COP1: variants seen among roughly 807,000 people sequenced by gnomAD.
COP1 encodes E3 ubiquitin-protein ligase COP1.
COP1 carries 24 observed loss-of-function variants against 101.3 expected under a neutral mutation model. The observed-to-expected ratio is 0.24, with a 90% CI of 0.17 to 0.33. The LOEUF (loss-of-function observed/expected upper bound fraction) is 0.33, where lower values mean the gene tolerates loss of function less well. Ranked by LOEUF, COP1 falls within the 10% of genes least tolerant of loss-of-function variation. The pLI is 1.00. For synonymous variants in COP1, 347 were observed against 341.9 expected (o/e 1.01, Z -0.17); for missense variants, 663 against 906.2 (o/e 0.73, Z 3.45).
intron 3 of COP1, among the ~76,000 whole-genome samples, chr1:176,165,078 G>A (rs570752808): frequency 2.6e-5 from 4 of 152,176 alleles, no homozygotes; most frequent in African/African-American, 9.6e-5. Context: ...CAGATACCAA[G>A]CTCATAAGGA....
intron 8 of COP1, among the ~76,000 whole-genome samples, chr1:176,127,789 T>C (rs1688264752): frequency 6.6e-6 from 1 of 152,150 alleles, no homozygotes; most frequent in Non-Finnish European, 1.5e-5. Context: ...CGTATGGTAG[T>C]TCTATTTTTA....
chr1:176,051,590 A>C (rs537157735), intron 11 of COP1, among the ~76,000 whole-genome samples: 2 of 151,118 alleles, frequency 1.3e-5, no homozygotes, highest in East Asian at 4.0e-4. Flanking sequence ...TTAAAAAAAA[A>C]CAAACAAACT....
chr1:176,094,673 TAA>T (rs397965708), intron 9 of COP1, among the ~76,000 whole-genome samples: 12 of 133,958 alleles, frequency 9.0e-5, no homozygotes, highest in Admixed American at 7.5e-5. Context: ...TGGAAAAAGT[TAA>T]AAAAAAAAAA....
intron 6 of COP1, among the ~76,000 whole-genome samples, chr1:176,147,339 T>C (rs1691722084): frequency 6.6e-6 from 1 of 152,192 alleles, no homozygotes; most frequent in Non-Finnish European, 1.5e-5. Flanking sequence ...CCAATTATTG[T>C]GAAATTCAAG....
In COP1 at chr1:175,998,969, G is replaced by T. The variant is rs577837079; in HGVS notation, c.1730-9490C>A. On this transcript the variant is annotated intron_variant, in intron 15 of 19. Transcript: ENST00000367669. The stretch of plus-strand genomic sequence containing the variant: ...ATGATAAAGATATGCTCCAGTACTT[G>T]CAAAGCAGAGCACAACTGATGGGTT... Among the ~76,000 whole-genome samples the T allele has an allele frequency of 2.6e-5, 4 of 152,134 alleles. No homozygotes were observed. The East Asian group carries it at 7.7e-4, about 29-fold the overall frequency.
intron 14 of COP1, among the ~76,000 whole-genome samples, chr1:176,036,271 A>C (rs1313000869): frequency 1.3e-5 from 2 of 151,988 alleles, no homozygotes; most frequent in Non-Finnish European, 2.9e-5. Context: ...GAGGAAATTA[A>C]ACCCAAAGCA....
chr1:176,073,408 T>C (rs1463471616), intron 11 of COP1, among the ~76,000 whole-genome samples: 1 of 152,186 alleles, frequency 6.6e-6, no homozygotes, highest in Non-Finnish European at 1.5e-5. Flanking sequence ...TTAACAATTT[T>C]TACCATAACA....
chr1:176,043,939 C>A, intron 12 of COP1, 121 bp from the exon 13 acceptor site: 1 of 641,954 alleles, frequency 1.6e-6, no homozygotes. Context: ...AGTTCACAAT[C>A]ATTATTCTGC....
chr1:176,008,031 G>T (rs1238915596), intron 15 of COP1, among the ~76,000 whole-genome samples: 1 of 152,212 alleles, frequency 6.6e-6, no homozygotes, highest in Non-Finnish European at 1.5e-5. Flanking sequence ...GCCAGGTGCG[G>T]GATATAATCT....
intron 1 of COP1, among the ~76,000 whole-genome samples, chr1:176,203,108 C>T (rs1188325424): frequency 1.3e-5 from 2 of 151,750 alleles, no homozygotes; most frequent in African/African-American, 4.8e-5. Flanking sequence ...GAGGCAGAGG[C>T]GGGCGGATCA....
intron 1 of COP1, among the ~76,000 whole-genome samples, chr1:176,204,941 T>C (rs1220664900): frequency 3.9e-5 from 6 of 152,060 alleles, no homozygotes; most frequent in African/African-American, 1.2e-4. Flanking sequence ...TACAAATTTT[T>C]ACTCTTTTAA....
rs537553723 is a variant in COP1 at position 176,093,838 on chromosome 1, TCAAAA to T, written c.1027-7953_1027-7949del. Among the ~76,000 whole-genome samples the T allele has an allele frequency of 2.0e-3, 302 of 150,000 alleles. 2 individuals carry two copies. The highest frequency in any genetic ancestry group is 6.9e-3 in the African/African-American group (282 of 40,628). ...AGGTGACAGAGCGAGAGACTCTGTC[TCAAAA>T]CAAAACAAAACAAAACAAAACAAAA... is the stretch of plus-strand genomic sequence containing the variant. On this transcript the variant is annotated intron_variant, in intron 9 of 19. Transcript: ENST00000367669.
chr1:176,007,394 C>T (rs370980626), intron 15 of COP1, among the ~76,000 whole-genome samples: 20 of 152,320 alleles, frequency 1.3e-4, no homozygotes, highest in Admixed American at 3.9e-4. Flanking sequence ...TGAGGAACTG[C>T]GTTCCTTTGG....
At chr1:175,993,353 G>A (rs1482459024) in intron 15 of COP1, among the ~76,000 whole-genome samples, 3 of 152,216 alleles carry the variant, frequency 2.0e-5, no homozygotes, top group African/African-American at 7.2e-5. Context: ...TCCTCCAAAG[G>A]AACGCAGCTC....
At chr1:176,192,726 T>G (rs528817324) in intron 1 of COP1, among the ~76,000 whole-genome samples, 8 of 152,102 alleles carry the variant, frequency 5.3e-5, no homozygotes, top group African/African-American at 1.9e-4. Flanking sequence ...AAACAGGAAT[T>G]TCTATTACAG....
At chr1:176,046,469 A>G (rs915126755) in intron 11 of COP1, 145 bp from the exon 12 acceptor site, 281 of 707,190 alleles carry the variant, frequency 4.0e-4, no homozygotes, top group Middle Eastern at 3.8e-4. Context: ...TAATCAACAC[A>G]TATCAAATTA....
intron 18 of COP1, among the ~76,000 whole-genome samples, chr1:175,949,486 G>A (rs1167251189): frequency 2.0e-5 from 3 of 152,164 alleles, no homozygotes; most frequent in Admixed American, 6.5e-5. Flanking sequence ...ACTGTGTGGT[G>A]CAATATGGAT....
intron 15 of COP1, among the ~76,000 whole-genome samples, chr1:176,019,308 C>T (rs1378965234): frequency 6.6e-6 from 1 of 150,864 alleles, no homozygotes; most frequent in Non-Finnish European, 1.5e-5. Context: ...ACTAAAAATA[C>T]AAAAATTAGC....
At chr1:176,151,197 C>T (rs575556258) in intron 5 of COP1, among the ~76,000 whole-genome samples, 14 of 146,672 alleles carry the variant, frequency 9.5e-5, no homozygotes, top group African/African-American at 2.8e-4. Context: ...CTCCCATTTT[C>T]GGATAAGGAA....
Sources: allele counts gnomAD v4.1 joint callset (sites outside exome capture counted in the v4.1 genomes callset), GRCh38; gene constraint gnomAD v4.1.1; transcripts MANE v1.5; gene names NCBI Gene and HGNC (gene_info 2026-07-23, HGNC 2026-07-21).